OR4N2: variants seen among roughly 807,000 people sequenced by gnomAD.
The protein encoded by OR4N2 is olfactory receptor 4N2.
For missense variants in OR4N2, 307 were observed against 377.6 expected, an observed-to-expected ratio of 0.81 and a Z score of 1.55; for synonymous variants, 141 against 140.4, an observed-to-expected ratio of 1.00 and a Z score of -0.03.
chr14:19,824,613 C>A (rs1879646002), intron 1 of OR4N2, among the ~76,000 whole-genome samples: 1 of 152,232 alleles, frequency 6.6e-6, no homozygotes, highest in South Asian at 2.1e-4. Flanking sequence ...TCTTCCACCT[C>A]TGCCACCCCT....
At chr14:19,814,192 CAATT>C (rs1193745258) in intron 1 of OR4N2, among the ~76,000 whole-genome samples, 3 of 152,096 alleles carry the variant, frequency 2.0e-5, no homozygotes, top group Non-Finnish European at 2.9e-5. Context: ...TTTTCTGACT[CAATT>C]AATTTTTAAA....
At position 19,828,022 on chromosome 14, in the gene OR4N2, A is replaced by C; in HGVS notation, c.574A>C (p.Thr192Pro). Residue 192 changes from threonine to proline, a missense_variant, in exon 2 of 2, where the codon ACA becomes CCA. Transcript: ENST00000557677. ...GGTCATCAAGCTGGCCTGCACCGAC[A>C]CATTTGTGGTGGAGCTTCTGATGGT... ...PQVIKLACTD[T>P]FVVELLMVFN... The C allele has an allele frequency of 1.2e-6, 2 of 1,614,234 alleles. No individual in the cohort carries two copies. The highest frequency in any genetic ancestry group is 1.7e-6 in the Non-Finnish European group (2 of 1,180,038).
intron 1 of OR4N2, among the ~76,000 whole-genome samples, chr14:19,806,408 AC>A (rs1365315017): frequency 1.3e-5 from 2 of 152,170 alleles, no homozygotes; most frequent in Non-Finnish European, 2.9e-5. Context: ...AAACAAACAA[AC>A]AAAAATAGTA....
At chr14:19,826,366 C>T (rs542141001) in intron 1 of OR4N2, among the ~76,000 whole-genome samples, 19 of 152,318 alleles carry the variant, frequency 1.2e-4, no homozygotes, top group African/African-American at 3.4e-4. Flanking sequence ...ACAAAAAGAA[C>T]ATTCATTCAT....
At chr14:19,826,246 T>C (rs1233480251) in intron 1 of OR4N2, among the ~76,000 whole-genome samples, 5 of 152,272 alleles carry the variant, frequency 3.3e-5, no homozygotes, top group African/African-American at 1.2e-4. Flanking sequence ...ATGAATTTTC[T>C]TCACAATGCA....
chr14:19,814,801 C>T (rs1362497935), intron 1 of OR4N2, among the ~76,000 whole-genome samples: 2 of 152,224 alleles, frequency 1.3e-5, no homozygotes, highest in Non-Finnish European at 2.9e-5. Context: ...AGGTATTTCT[C>T]CTAATGCTAT....
At chr14:19,820,609 C>T (rs1266824175) in intron 1 of OR4N2, among the ~76,000 whole-genome samples, 1 of 152,238 alleles carries the variant, frequency 6.6e-6, no homozygotes, top group Non-Finnish European at 1.5e-5. Context: ...CGCTGCCTTT[C>T]TTTCAGAGAT....
At chr14:19,813,854 T>C (rs1879361123) in intron 1 of OR4N2, among the ~76,000 whole-genome samples, 1 of 140,834 alleles carries the variant, frequency 7.1e-6, no homozygotes, top group Non-Finnish European at 1.6e-5. Flanking sequence ...TTTTTTTTTT[T>C]TAAGTCATAC....
Position 19,828,490 on chromosome 14 carries a change from G to A in OR4N2, c.*118G>A. The A allele has an allele frequency of 1.8e-6, 2 of 1,096,454 alleles. No homozygotes were observed. Among genetic ancestry groups the A allele is most frequent in the East Asian group, 2.6e-5 (1 of 38,748 alleles). 67.9% of individuals were successfully genotyped at this position (1,096,454 alleles called of 1,614,324 possible). The stretch of plus-strand genomic sequence containing the variant: ...CCTCCCATTTGTCAGGACTATTCTG[G>A]GAACTGAAAAAAGAAATTACTGAGG... On this transcript the variant is annotated 3_prime_UTR_variant, in exon 2 of 2. Transcript: ENST00000557677.
chr14:19,805,282 G>A (rs1305913383), intron 1 of OR4N2, among the ~76,000 whole-genome samples: 2 of 152,160 alleles, frequency 1.3e-5, no homozygotes, highest in Non-Finnish European at 2.9e-5. Context: ...ATAGAATTCA[G>A]GATCTGGATG....
Position 19,827,513 on chromosome 14 carries a change from A to G in OR4N2, c.65A>G (p.Asp22Gly). 1.9e-6 allele frequency: 3 copies of G among 1,613,590 alleles called. No homozygotes were observed. Among genetic ancestry groups the G allele is most frequent in the Non-Finnish European group, 2.5e-6 (3 of 1,179,720 alleles). Reference protein sequence around the residue: ...FILLGLTQSQDIQLLVFVLVL... With the variant: ...FILLGLTQSQGIQLLVFVLVL... ...CTCCTTGGTCTGACCCAGTCTCAAG[A>G]TATTCAGCTCCTGGTCTTTGTGCTA... is the stretch of plus-strand genomic sequence containing the variant. The change falls in exon 2 of 2, where the codon GAT (aspartate) becomes GGT (glycine). Residue 22 changes from aspartate (D) to glycine (G), a missense_variant. Coordinates refer to ENST00000557677, the MANE Select transcript of OR4N2 (RefSeq NM_001004723.3).
chr14:19,819,938 G>C (rs1228390213), intron 1 of OR4N2, among the ~76,000 whole-genome samples: 1 of 152,262 alleles, frequency 6.6e-6, no homozygotes, highest in Non-Finnish European at 1.5e-5. Flanking sequence ...CTAACAGTCA[G>C]GCCCCTCTGC....
Position 19,828,127 on chromosome 14 carries a change from G to C in OR4N2, c.679G>C (p.Gly227Arg). 6.2e-7 allele frequency: 1 copy of C among 1,614,222 alleles called. No homozygotes were observed. The highest frequency in any genetic ancestry group is 8.5e-7 in the Non-Finnish European group (1 of 1,180,038). Residue 227 changes from glycine to arginine, a missense_variant, in exon 2 of 2, where the codon GGG becomes CGG. Gly to Arg is a moderately radical substitution (Grantham distance 125). Coordinates refer to ENST00000557677, the MANE Select transcript of OR4N2 (RefSeq NM_001004723.3). ...SYAVILCRIR[G>R]SSSEAKNKAM... ...TGCAGTCATTCTTTGTCGCATACGA[G>C]GGTCTTCTTCTGAGGCAAAAAACAA...
intron 1 of OR4N2, among the ~76,000 whole-genome samples, chr14:19,808,355 A>G (rs1172336125): frequency 6.6e-6 from 1 of 152,184 alleles, no homozygotes; most frequent in Non-Finnish European, 1.5e-5. Flanking sequence ...CAAAAAAGCA[A>G]CTAGAACTGA....
At position 19,828,283 on chromosome 14, in the gene OR4N2, T is replaced by G. The variant is rs1379873668; in HGVS notation, c.835T>G (p.Phe279Val). 1.2e-6 allele frequency: 2 copies of G among 1,614,146 alleles called. No individual in the cohort carries two copies. The highest frequency in any genetic ancestry group is 3.3e-5 in the Admixed American group (2 of 60,008). Residue 279 changes from phenylalanine (F) to valine (V), a missense_variant, in exon 2 of 2, where the codon TTT becomes GTT. Coordinates refer to ENST00000557677, the MANE Select transcript of OR4N2 (RefSeq NM_001004723.3). ...GGTTTCTCTCTTCCACACAGTGATTTTTCCTTTGTTGAATCCTGTCATTTA... is the reference window on the plus strand; with the variant it reads ...GGTTTCTCTCTTCCACACAGTGATTGTTCCTTTGTTGAATCCTGTCATTTA... ...KVVSLFHTVI[F>V]PLLNPVIYTL...
chr14:19,818,194 C>G lies in OR4N2; in HGVS notation c.-9-9246C>G, dbSNP rs376687852. On this transcript the variant is annotated intron_variant, in intron 1 of 1. Transcript: ENST00000557677. ...TTGGGGTGGAGAGTTTTGTAGATGT[C>G]TATTAGGTCTGCTTGGTCCAGAGAT... Among the ~76,000 whole-genome samples, 3 of 152,216 alleles carry G rather than the reference C, an allele frequency of 2.0e-5. No individual in the cohort carries two copies. The East Asian group carries it at 5.8e-4, about 29-fold the overall frequency.
In OR4N2 at chr14:19,812,699, G is replaced by C. The variant is rs539805507; in HGVS notation, c.-10+8855G>C. Among the ~76,000 whole-genome samples the C allele has an allele frequency of 9.7e-4, 147 of 152,258 alleles. No homozygotes were observed. In the South Asian group the frequency reaches 0.03, roughly 31 times the overall value. On this transcript the variant is annotated intron_variant, in intron 1 of 1. Coordinates refer to ENST00000557677, the MANE Select transcript of OR4N2 (RefSeq NM_001004723.3). ...ATAATAGTCCTTCTGACTGGTGTGAGATGGTATCTCATTGTGGTTTTGATT... is the reference window on the plus strand; with the variant it reads ...ATAATAGTCCTTCTGACTGGTGTGACATGGTATCTCATTGTGGTTTTGATT...
chr14:19,827,921 T>C lies in OR4N2; in HGVS notation c.473T>C (p.Ile158Thr), dbSNP rs146601362. 59 of 1,614,116 alleles carry C rather than the reference T, an allele frequency of 3.7e-5. No individual in the cohort carries two copies. In the African/African-American group the frequency reaches 7.1e-4, roughly 19 times the overall value. The part of the protein sequence containing the change: ...LWLGGFVHSI[I>T]QVVLILRLPF... Reference sequence around the variant, plus strand: ...CTTGGGGGTTTTGTCCACTCCATTATCCAGGTGGTCCTCATCCTCCGCTTG... The same window carrying C: ...CTTGGGGGTTTTGTCCACTCCATTACCCAGGTGGTCCTCATCCTCCGCTTG... Residue 158 changes from isoleucine to threonine, a missense_variant, in exon 2 of 2, where the codon ATC (isoleucine) becomes ACC (threonine). Transcript: ENST00000557677.
At chr14:19,817,371 T>C (rs1333195982) in intron 1 of OR4N2, among the ~76,000 whole-genome samples, 6 of 152,214 alleles carry the variant, frequency 3.9e-5, no homozygotes, top group South Asian at 4.1e-4. Context: ...ATTTCAAAAC[T>C]TGTTATTTGT....
Sources: allele counts gnomAD v4.1 joint callset (sites outside exome capture counted in the v4.1 genomes callset), GRCh38; gene constraint gnomAD v4.1.1; transcripts MANE v1.5; gene names NCBI Gene and HGNC (gene_info 2026-07-23, HGNC 2026-07-21).